HYDIN: variants seen among roughly 807,000 people sequenced by gnomAD.
The protein encoded by HYDIN is HYDIN axonemal central pair apparatus protein.
In HYDIN, 132 loss-of-function variants were observed where a neutral mutation model predicts 403.9. The ratio of observed to expected loss-of-function variants is 0.33; its 90% CI spans 0.28 to 0.38. The LOEUF is 0.38. Ranked by LOEUF, HYDIN falls within the 10% of genes least tolerant of loss-of-function variation. The pLI, the probability that HYDIN is intolerant of heterozygous loss-of-function variation, is 1.00. For synonymous variants in HYDIN, 1,202 were observed against 1,891.7 expected (o/e 0.64, Z 9.46); for missense variants, 2,827 against 5,009.5 (o/e 0.56, Z 13.15).
chr16:70,976,643 CT>C (rs370464813), intron 30 of HYDIN, among the ~76,000 whole-genome samples: 3 of 148,032 alleles, frequency 2.0e-5, no homozygotes, highest in South Asian at 2.2e-4. Context: ...TGGGAAAACC[CT>C]TTTTTTTTCA....
At chr16:70,813,553 C>T in intron 84 of HYDIN, among the ~76,000 whole-genome samples, 1 of 151,424 alleles carries the variant, frequency 6.6e-6, no homozygotes, top group Admixed American at 6.6e-5. Context: ...AAATCCTGAT[C>T]CTCAGAAACT....
At chr16:70,905,614 C>G (rs1250619380) in intron 50 of HYDIN, among the ~76,000 whole-genome samples, 1 of 108,354 alleles carries the variant, frequency 9.2e-6, no homozygotes, top group Non-Finnish European at 1.7e-5. Context: ...GCCTGGGTGA[C>G]GGAGTAAGAC....
chr16:71,064,661 C>T (rs1446826578), intron 16 of HYDIN, 44 bp downstream of exon 16: 2 of 1,552,838 alleles, frequency 1.3e-6, no homozygotes, highest in Non-Finnish European at 8.7e-7. Context: ...CAAGGGAACT[C>T]AATGGAAGAA....
At chr16:71,152,323 C>A (rs992894908) in intron 7 of HYDIN, among the ~76,000 whole-genome samples, 4 of 151,856 alleles carry the variant, frequency 2.6e-5, no homozygotes, top group African/African-American at 9.7e-5. Flanking sequence ...CCCATCTGAC[C>A]TTTTTAAATT....
chr16:70,921,053 A>C lies in HYDIN; in HGVS notation c.7323T>G (p.Ser2441Arg), dbSNP rs199693110. 530 of 1,611,110 alleles carry C rather than the reference A, an allele frequency of 3.3e-4. No homozygotes were observed. In the African/African-American group the frequency reaches 6.1e-3, roughly 19 times the overall value. ...GLPLVQDQED[S>R]EGDNSKDPDK... ...CGGGGTCCTTTGAGTTGTCCCCTTC[A>C]CTGTCCTCTTGGTCCTGGACAAGAG... is the stretch of plus-strand genomic sequence containing the variant. Residue 2441 changes from serine to arginine, a missense_variant, in exon 46 of 86, where the codon AGT becomes AGG. Transcript: ENST00000393567.
chr16:70,995,405 C>T (rs927645727), intron 23 of HYDIN, among the ~76,000 whole-genome samples: 2 of 152,184 alleles, frequency 1.3e-5, no homozygotes, highest in Non-Finnish European at 2.9e-5. Flanking sequence ...TTCCCTGTAG[C>T]TGCCAGAGAA....
intron 40 of HYDIN, among the ~76,000 whole-genome samples, chr16:70,954,712 C>A (rs372911136): frequency 6.6e-6 from 1 of 152,178 alleles, no homozygotes; most frequent in African/African-American, 2.4e-5. Flanking sequence ...GCTTCACTAT[C>A]GCTTCCTTTA....
intron 3 of HYDIN, among the ~76,000 whole-genome samples, chr16:71,181,550 T>C (rs1430664084): frequency 6.6e-6 from 1 of 152,112 alleles, no homozygotes; most frequent in Admixed American, 6.6e-5. Flanking sequence ...AGTGGAATAA[T>C]ACAGTATATA....
chr16:71,188,172 T>TC, intron 1 of HYDIN, among the ~76,000 whole-genome samples: 1 of 151,992 alleles, frequency 6.6e-6, no homozygotes, highest in Non-Finnish European at 1.5e-5. Context: ...TCTATCTTTT[T>TC]CCCCCCGCCC....
intron 45 of HYDIN, among the ~76,000 whole-genome samples, chr16:70,926,274 T>A (rs12051176): frequency 6.6e-6 from 1 of 151,936 alleles, no homozygotes; most frequent in African/African-American, 2.4e-5. Flanking sequence ...TGGAATACTA[T>A]GCAGCCATAA....
chr16:71,176,203 G>A (rs1205513445), intron 4 of HYDIN, among the ~76,000 whole-genome samples: 4 of 150,344 alleles, frequency 2.7e-5, no homozygotes, highest in African/African-American at 1.0e-4. Context: ...TACTGGGGAG[G>A]CTGAGGCAGG....
At chr16:70,992,571 G>T (rs144250272) in intron 23 of HYDIN, among the ~76,000 whole-genome samples, 1 of 148,210 alleles carries the variant, frequency 6.7e-6, no homozygotes, top group African/African-American at 2.6e-5. Context: ...ATAAGTAGTC[G>T]GCATGGTCAT....
Position 71,137,415 on chromosome 16 carries a change from T to A in HYDIN, c.842-63A>T. The A allele has an allele frequency of 8.7e-6, 5 of 573,052 alleles. No homozygotes were observed. In the South Asian group the frequency reaches 1.1e-4, roughly 12 times the overall value. The allele number at this position is 573,052 out of a possible 1,614,324, so 35.5% of individuals were successfully genotyped here. A position where few individuals can be genotyped will look rare whatever the true frequency, so the allele number is the denominator to read the frequency against. Reference sequence around the variant, plus strand: ...ATTCTAAAATTACACACCTAGGCTATCTTTTTTTCAAGCTGAAGTTAGGCA... The same window carrying A: ...ATTCTAAAATTACACACCTAGGCTAACTTTTTTTCAAGCTGAAGTTAGGCA... On this transcript the variant is annotated intron_variant, in intron 7 of 85. Transcript: ENST00000393567.
Position 70,956,643 on chromosome 16 carries a change from G to A in HYDIN, c.6143-1095C>T, listed in dbSNP as rs569526254. 3.2e-4 allele frequency among the ~76,000 whole-genome samples: 48 copies of A among 152,184 alleles called. No homozygotes were observed. The East Asian group carries it at 9.1e-3, about 29-fold the overall frequency. Reference sequence around the variant, plus strand: ...GAGACTGGGAGATGCTATGCTGATGGCTGGGAAGGAGGAAGAAGGGGCCAG... The same window carrying A: ...GAGACTGGGAGATGCTATGCTGATGACTGGGAAGGAGGAAGAAGGGGCCAG... On this transcript the variant is annotated intron_variant, in intron 39 of 85. Coordinates refer to ENST00000393567, the MANE Select transcript of HYDIN (RefSeq NM_001270974.2).
chr16:70,974,515 G>T lies in HYDIN; in HGVS notation c.4909+19C>A. ...AAATGACCAAGTGCAATAGGAAAGG[G>T]TCTCCCCAGCCTGGGTACCTGTCTC... On this transcript the variant is annotated intron_variant, in intron 32 of 85. Coordinates refer to ENST00000393567, the MANE Select transcript of HYDIN (RefSeq NM_001270974.2). 1.9e-6 allele frequency: 3 copies of T among 1,607,396 alleles called. 1 individual carries two copies. In the South Asian group the frequency reaches 3.3e-5, roughly 18 times the overall value.
chr16:71,152,816 A>C (rs1177252817), intron 6 of HYDIN, 33 bp from the exon 7 acceptor site: 2 of 1,586,688 alleles, frequency 1.3e-6, no homozygotes, highest in Non-Finnish European at 1.7e-6. Context: ...TCATCAGAGC[A>C]TATTTCTGAC....
At chr16:71,126,134 C>T (rs2084447036) in intron 9 of HYDIN, among the ~76,000 whole-genome samples, 1 of 152,156 alleles carries the variant, frequency 6.6e-6, no homozygotes, top group South Asian at 2.1e-4. Flanking sequence ...ATGACCACCC[C>T]CTAGATCCAG....
chr16:71,022,155 C>T (rs1454026502), intron 21 of HYDIN, among the ~76,000 whole-genome samples: 1 of 151,856 alleles, frequency 6.6e-6, no homozygotes, highest in Non-Finnish European at 1.5e-5. Flanking sequence ...AGTGACCTTC[C>T]CTGAAGGCTG....
At chr16:70,938,100 A>C (rs917643933) in intron 44 of HYDIN, among the ~76,000 whole-genome samples, 1 of 152,250 alleles carries the variant, frequency 6.6e-6, no homozygotes, top group African/African-American at 2.4e-5. Context: ...ATCCCATGGC[A>C]GCTAGACCTC....
Sources: allele counts gnomAD v4.1 joint callset (sites outside exome capture counted in the v4.1 genomes callset), GRCh38; gene constraint gnomAD v4.1.1; transcripts MANE v1.5; gene names NCBI Gene and HGNC (gene_info 2026-07-23, HGNC 2026-07-21).